Variants in CD163L1 observed in about 807,000 individuals in gnomAD.
CD163L1 encodes the protein CD163 molecule like 1.
In CD163L1, 124 loss-of-function variants were observed where a neutral mutation model predicts 165.4. That is an observed-to-expected ratio of 0.75 (90% CI 0.65 to 0.87). The LOEUF is 0.87. CD163L1 is among the 40% of genes least tolerant of loss of function. The probability of loss-of-function intolerance (pLI) is 0.00; values close to 1 mark genes in which losing one functional copy is unlikely to be tolerated. For synonymous variants in CD163L1, 585 were observed against 662.2 expected (o/e 0.88, Z 1.79); for missense variants, 1,525 against 1,799.9 (o/e 0.85, Z 2.76).
At chr12:7,394,823 T>G (rs900162202) in intron 8 of CD163L1, among the ~76,000 whole-genome samples, 2 of 152,152 alleles carry the variant, frequency 1.3e-5, no homozygotes, top group East Asian at 3.9e-4. Flanking sequence ...CATCTATGCA[T>G]CCAACAGACA....
the CD163L1 span, among the ~76,000 whole-genome samples, chr12:7,320,531 C>G: frequency 6.6e-6 from 1 of 152,198 alleles, no homozygotes; most frequent in Non-Finnish European, 1.5e-5. Flanking sequence ...TATATACATT[C>G]TTTTCAGTAA....
At position 7,403,480 on chromosome 12, in the gene CD163L1, AC is replaced by A. The variant is rs1947951957; in HGVS notation, c.1408+54del. 2.0e-6 allele frequency: 3 copies of A among 1,511,564 alleles called. No individual in the cohort carries two copies. The South Asian group carries it at 3.9e-5, about 20-fold the overall frequency. 93.6% of individuals were successfully genotyped at this position (1,511,564 alleles called of 1,614,324 possible). A position where few individuals can be genotyped will look rare whatever the true frequency, so the allele number is the denominator to read the frequency against. ...TCAAGCTATTGTTTCTAACCTCCCA[AC>A]AGATTATTTCTAAAAATTCAAATGT... On this transcript the variant is annotated intron_variant, in intron 6 of 19. Coordinates refer to ENST00000313599, the MANE Select transcript of CD163L1 (RefSeq NM_174941.6).
Position 7,441,790 on chromosome 12 carries a change from A to G in CD163L1, c.32-544T>C, listed in dbSNP as rs183057567. 1.4e-4 allele frequency among the ~76,000 whole-genome samples: 21 copies of G among 152,342 alleles called. No homozygotes were observed. The East Asian group carries it at 4.0e-3, about 29-fold the overall frequency. The stretch of plus-strand genomic sequence containing the variant: ...AAATCAACATTTGGAGGTCACTATA[A>G]TAACTGCTGATTGAGCTCATGATTA... On this transcript the variant is annotated intron_variant, in intron 1 of 19. Coordinates refer to ENST00000313599, the MANE Select transcript of CD163L1 (RefSeq NM_174941.6).
At position 7,375,936 on chromosome 12, in the gene CD163L1, C is replaced by T. The variant is rs770662188; in HGVS notation, c.2450G>A (p.Arg817His). The T allele has an allele frequency of 3.1e-6, 5 of 1,614,084 alleles. No individual in the cohort carries two copies. Among genetic ancestry groups the T allele is most frequent in the Admixed American group, 1.7e-5 (1 of 60,008 alleles). ...AGAGAAATCAGAATCACAGACAGAG[C>T]GCCATGTGTCTGCATGTTTCACTTC... is the stretch of plus-strand genomic sequence containing the variant. ...RVEVKHADTW[R>H]SVCDSDFSLH... Residue 817 changes from arginine (R) to histidine (H), a missense_variant, in exon 10 of 20, where the codon CGC becomes CAC. Transcript: ENST00000313599.
chr12:7,439,830 C>G (rs1294551014), intron 2 of CD163L1: 15 of 1,613,454 alleles, frequency 9.3e-6, no homozygotes, highest in Non-Finnish European at 1.2e-5. Flanking sequence ...CCTCTCCGTC[C>G]TCCTCACTGT....
At chr12:7,412,319 C>T (rs1235392438) in intron 4 of CD163L1, among the ~76,000 whole-genome samples, 5 of 152,098 alleles carry the variant, frequency 3.3e-5, no homozygotes, top group African/African-American at 1.2e-4. Flanking sequence ...AATAGACTCC[C>T]AGGAAATGGG....
rs768309925 is a variant in CD163L1, at chr12:7,375,582, G to GACAGAT, written c.2699_2700insATCTGT (p.Val900_Arg901insSerVal). ...ACTGGGATTTGCCATTCACAAGTCG[G>GACAGAT]ACATCTGTATATCCTAGGAGGAGAC... On this transcript the variant is annotated inframe_insertion, in exon 11 of 20. Transcript: ENST00000313599. The GACAGAT allele has an allele frequency of 3.7e-4, 592 of 1,612,616 alleles. 4 individuals are homozygous for GACAGAT. The East Asian group carries it at 0.013, about 35-fold the overall frequency.
chr12:7,421,109 T>A (rs1308565791), intron 4 of CD163L1, among the ~76,000 whole-genome samples: 4 of 88,116 alleles, frequency 4.5e-5, no homozygotes, highest in Admixed American at 1.6e-4. Context: ...ATATATACAT[T>A]TGGAAGAAAA....
downstream of CD163L1, among the ~76,000 whole-genome samples, chr12:7,344,720 A>G (rs1223668070): frequency 6.6e-6 from 1 of 152,194 alleles, no homozygotes; most frequent in Non-Finnish European, 1.5e-5. Context: ...TTTCTCATAA[A>G]TACTCTGAAA....
In CD163L1 at chr12:7,444,102, T is replaced by C. The variant is rs1200730559; in HGVS notation, c.26A>G (p.His9Arg). 1.1e-5 allele frequency: 17 copies of C among 1,613,816 alleles called. No individual in the cohort carries two copies. The highest frequency in any genetic ancestry group is 1.4e-5 in the Non-Finnish European group (16 of 1,179,774). MMLPQNSWHIDFGRCCCHQ... is the reference protein window; with the variant it reads MMLPQNSWRIDFGRCCCHQ... Reference sequence around the variant, plus strand: ...AAATAAAAGCAAAACCTTACCAATATGCCACGAGTTTTGAGGCAGCATCAT... The same window carrying C: ...AAATAAAAGCAAAACCTTACCAATACGCCACGAGTTTTGAGGCAGCATCAT... Residue 9 changes from histidine (H) to arginine (R), a missense_variant, in exon 1 of 20, where the codon CAT becomes CGT. His to Arg is a conservative substitution (Grantham distance 29). Transcript: ENST00000313599.
intron 8 of CD163L1, among the ~76,000 whole-genome samples, chr12:7,387,309 A>G (rs1947540860): frequency 6.6e-6 from 1 of 152,248 alleles, no homozygotes; most frequent in Admixed American, 6.5e-5. Flanking sequence ...ATTACAAAAC[A>G]TTGATGAATG....
the CD163L1 span, chr12:7,323,656 A>G: frequency 9.2e-7 from 1 of 1,082,208 alleles, no homozygotes; most frequent in African/African-American, 1.6e-5. Context: ...GCAAGCAACA[A>G]AATCTTTCAC....
chr12:7,357,507 G>C, intron 18 of CD163L1, 21 bp from the exon 19 acceptor site: 1 of 1,606,576 alleles, frequency 6.2e-7, no homozygotes, highest in Non-Finnish European at 8.5e-7. Flanking sequence ...GGCAAAATCT[G>C]TATTATTGAA....
In CD163L1 at chr12:7,421,183, AT is replaced by A. The variant is rs1948371342; in HGVS notation, c.766+11232del. Reference sequence around the variant, plus strand: ...TATATATATGTATATATGTATATATATGTGTATATATGTATATATATGGGTA... The same window carrying A: ...TATATATATGTATATATGTATATATAGTGTATATATGTATATATATGGGTA... On this transcript the variant is annotated intron_variant, in intron 4 of 19. Coordinates refer to ENST00000313599, the MANE Select transcript of CD163L1 (RefSeq NM_174941.6). Among the ~76,000 whole-genome samples the A allele has an allele frequency of 2.2e-5, 3 of 135,260 alleles. No homozygotes were observed. In the Admixed American group the frequency reaches 2.4e-4, roughly 11 times the overall value. 88.7% of individuals were successfully genotyped at this position (135,260 alleles called of 152,430 possible). A position where few individuals can be genotyped will look rare whatever the true frequency, so the allele number is the denominator to read the frequency against.
chr12:7,367,132 G>T, intron 18 of CD163L1, 104 bp downstream of exon 18: 1 of 546,278 alleles, frequency 1.8e-6, no homozygotes, highest in Non-Finnish European at 3.3e-6. Context: ...TTTTGTATAA[G>T]AGGCTGAGAC....
chr12:7,416,693 G>C (rs1948249155), intron 4 of CD163L1, among the ~76,000 whole-genome samples: 1 of 152,130 alleles, frequency 6.6e-6, no homozygotes, highest in Non-Finnish European at 1.5e-5. Flanking sequence ...CCCATTGCTT[G>C]TTTTTGTCAG....
At chr12:7,441,269 G>C (rs766941494) in intron 1 of CD163L1, 23 bp from the exon 2 acceptor site, 2 of 1,558,304 alleles carry the variant, frequency 1.3e-6, no homozygotes. Context: ...AATATAGCAG[G>C]GTAGAATTTC....
rs375865211 is a variant in CD163L1, at chr12:7,382,785, T to C, written c.2051-3487A>G. ...CCAGCTCCCACAAGATTGCATCCTG[T>C]CCTGGGCCCCAGTAAGCCCTACATC... On this transcript the variant is annotated intron_variant, in intron 8 of 19. Coordinates refer to ENST00000313599, the MANE Select transcript of CD163L1 (RefSeq NM_174941.6). 1.2e-4 allele frequency among the ~76,000 whole-genome samples: 18 copies of C among 152,292 alleles called. No individual in the cohort carries two copies. The South Asian group carries it at 3.7e-3, about 32-fold the overall frequency.
At chr12:7,412,797 T>C (rs1487521481) in intron 4 of CD163L1, among the ~76,000 whole-genome samples, 2 of 151,968 alleles carry the variant, frequency 1.3e-5, no homozygotes, top group Non-Finnish European at 2.9e-5. Flanking sequence ...GAAGTACACA[T>C]AAGAAGTCCA....
Sources: allele counts gnomAD v4.1 joint callset (sites outside exome capture counted in the v4.1 genomes callset), GRCh38; gene constraint gnomAD v4.1.1; transcripts MANE v1.5; gene names NCBI Gene and HGNC (gene_info 2026-07-23, HGNC 2026-07-21).